TMEM59: variants seen among roughly 807,000 people sequenced by gnomAD.
TMEM59 encodes the protein dendritic cell factor 1.
TMEM59 carries 44 observed loss-of-function variants against 42.2 expected under a neutral mutation model. The observed-to-expected ratio is 1.04, with a 90% CI of 0.82 to 1.34. The LOEUF (loss-of-function observed/expected upper bound fraction) is 1.34, where lower values mean the gene tolerates loss of function less well. TMEM59 is among the 40% of genes most tolerant of loss of function. The pLI is 0.00. For missense variants in TMEM59, 359 were observed against 382.8 expected (o/e 0.94, Z 0.52); for synonymous variants, 148 against 145.8 (o/e 1.02, Z -0.11).
intron 7 of TMEM59, among the ~76,000 whole-genome samples, chr1:54,032,808 T>C (rs1484120658): frequency 1.3e-5 from 2 of 152,044 alleles, no homozygotes; most frequent in African/African-American, 4.8e-5. Flanking sequence ...ACTAAAAGAA[T>C]GAAAGCATAA....
chr1:54,051,678 C>T (rs1412585187), intron 1 of TMEM59, among the ~76,000 whole-genome samples: 1 of 152,166 alleles, frequency 6.6e-6, no homozygotes, highest in African/African-American at 2.4e-5. Context: ...TATTAATGAG[C>T]TTCTTCATAC....
chr1:54,034,112 C>T (rs1402760653), intron 7 of TMEM59: 2 of 117,986 alleles, frequency 1.7e-5, no homozygotes, highest in Admixed American at 9.2e-5. Context: ...GAGCAAGACT[C>T]CATCTCAAAA....
rs1656632761 is a variant in TMEM59, at chr1:54,027,410, A to G, written c.*4740T>C. Reference sequence around the variant, plus strand: ...TCCACAGGCTTCACTGGATCACTAAAAAGCTCAATGGCACAAAAAAGTTTG... The same window carrying G: ...TCCACAGGCTTCACTGGATCACTAAGAAGCTCAATGGCACAAAAAAGTTTG... On this transcript the variant is annotated 3_prime_UTR_variant, in exon 8 of 8. Coordinates refer to ENST00000234831, the MANE Select transcript of TMEM59 (RefSeq NM_004872.5). 6.6e-6 allele frequency: 1 copy of G among 151,854 alleles called. No homozygotes were observed. Among genetic ancestry groups the G allele is most frequent in the Non-Finnish European group, 1.5e-5 (1 of 68,042 alleles). The allele number at this position is 151,854 out of a possible 1,614,324, so 9.4% of individuals were successfully genotyped here. A position where few individuals can be genotyped will look rare whatever the true frequency, so the allele number is the denominator to read the frequency against.
intron 1 of TMEM59, among the ~76,000 whole-genome samples, chr1:54,048,448 G>C (rs1475707071): frequency 6.6e-6 from 1 of 152,196 alleles, no homozygotes; most frequent in Non-Finnish European, 1.5e-5. Context: ...AATGGTAATA[G>C]TGTTAATAGA....
chr1:54,053,097 C>A lies in TMEM59; in HGVS notation c.92G>T (p.Gly31Val). The change falls in exon 1 of 8, where the codon GGG (glycine) becomes GTG (valine). Residue 31 changes from glycine (G) to valine (V), a missense_variant. Physicochemically the swap from Gly to Val is moderately radical, Grantham distance 109 (BLOSUM62 -3). Coordinates refer to ENST00000234831, the MANE Select transcript of TMEM59 (RefSeq NM_004872.5). The stretch of plus-strand genomic sequence containing the variant: ...GTCAAATGCTTCAGCCGAAGCGGTC[C>A]CCGAACCTCCGGCCAAGGCCATGGT... ...LLTMALAGGS[G>V]TASAEAFDSV... 6.2e-7 allele frequency: 1 copy of A among 1,614,264 alleles called. No individual in the cohort carries two copies. The highest frequency in any genetic ancestry group is 8.5e-7 in the Non-Finnish European group (1 of 1,180,040).
intron 2 of TMEM59, among the ~76,000 whole-genome samples, chr1:54,046,656 G>A (rs1289423395): frequency 6.6e-6 from 1 of 152,118 alleles, no homozygotes; most frequent in Non-Finnish European, 1.5e-5. Context: ...ATAGTGATAG[G>A]GGAAAAGGTG....
chr1:54,043,320 T>C, intron 4 of TMEM59, 53 bp downstream of exon 4: 2 of 1,388,942 alleles, frequency 1.4e-6, no homozygotes, highest in Non-Finnish European at 1.9e-6. Flanking sequence ...ATTTAAGACA[T>C]ATACATTTAC....
rs1409174303 is a variant in TMEM59, at chr1:54,047,188, C to A, written c.295+79G>T. 2.5e-6 allele frequency: 3 copies of A among 1,196,752 alleles called. No homozygotes were observed. The African/African-American group carries it at 4.7e-5, about 19-fold the overall frequency. The allele number at this position is 1,196,752 out of a possible 1,614,324, so 74.1% of individuals were successfully genotyped here. A position where few individuals can be genotyped will look rare whatever the true frequency, so the allele number is the denominator to read the frequency against. ...AGTTTCAACAGTGTGTTTTCCATTT[C>A]CTAAAGAAAATACTTCAAAAGCTTA... is the stretch of plus-strand genomic sequence containing the variant. On this transcript the variant is annotated intron_variant, in intron 2 of 7. Coordinates refer to ENST00000234831, the MANE Select transcript of TMEM59 (RefSeq NM_004872.5).
At chr1:54,044,512 T>TG (rs1470668677) in intron 3 of TMEM59, 8 of 145,964 alleles carry the variant, frequency 5.5e-5, no homozygotes, top group African/African-American at 1.8e-4. Context: ...TCATCTGTTT[T>TG]TTTTTTTTTT....
At chr1:54,046,081 G>A (rs925754051) in intron 2 of TMEM59, among the ~76,000 whole-genome samples, 2 of 152,092 alleles carry the variant, frequency 1.3e-5, no homozygotes, top group Non-Finnish European at 2.9e-5. Flanking sequence ...CACTGGATTG[G>A]CATCCTGAAG....
chr1:54,047,282 AT>A lies in TMEM59; in HGVS notation c.279del (p.Lys93AsnfsTer34). The A allele has an allele frequency of 1.2e-6, 2 of 1,613,606 alleles. No individual in the cohort carries two copies. The highest frequency in any genetic ancestry group is 1.1e-5 in the South Asian group (1 of 91,034). Reference protein sequence around the residue: ...VDDGIDLNRTKLECESACTEA... With the variant: ...VDDGIDLNRTXLECESACTEA... ...AGCATCTTACCAGATTCACATTCCAATTTAGTTCGATTTAAGTCAATTCCAT... is the reference window on the plus strand; with the variant it reads ...AGCATCTTACCAGATTCACATTCCAATTAGTTCGATTTAAGTCAATTCCAT... On this transcript the variant is annotated frameshift_variant, in exon 2 of 8. Transcript: ENST00000234831. LOFTEE classifies it high-confidence loss of function.
chr1:54,047,785 AC>A (rs1361190395), intron 1 of TMEM59: 1 of 205,426 alleles, frequency 4.9e-6, no homozygotes. Flanking sequence ...ATATAGCGAG[AC>A]CCCATCTGTA....
rs370817741 is a variant in TMEM59 at position 54,053,000 on chromosome 1, C to A, written c.189G>T (p.Lys63Asn). Reference sequence around the variant, plus strand: ...GCAGCCCGCTCCGGACGGGCCCTACCTTAGGGTAGGTGTGCAAGGGGTAGG... The same window carrying A: ...GCAGCCCGCTCCGGACGGGCCCTACATTAGGGTAGGTGTGCAAGGGGTAGG... ...QLTYPLHTYPKEEELYACQRG... is the reference protein window; with the variant it reads ...QLTYPLHTYPNEEELYACQRG... The change falls in exon 1 of 8, where the codon AAG becomes AAT. Residue 63 changes from lysine to asparagine, a missense_variant and splice_region_variant. Lys to Asn is a moderately conservative substitution (Grantham distance 94, BLOSUM62 0). Transcript: ENST00000234831. 6 of 1,612,668 alleles carry A rather than the reference C, an allele frequency of 3.7e-6. No homozygotes were observed. In the East Asian group the frequency reaches 1.3e-4, roughly 36 times the overall value.
At position 54,045,751 on chromosome 1, in the gene TMEM59, A is replaced by G. The variant is rs1197888299; in HGVS notation, c.331T>C (p.Tyr111His). Residue 111 changes from tyrosine to histidine, a missense_variant, in exon 3 of 8, where the codon TAT (tyrosine) becomes CAT (histidine). Coordinates refer to ENST00000234831, the MANE Select transcript of TMEM59 (RefSeq NM_004872.5). Reference protein sequence around the residue: ...TEAYSQSDEQYACHLGCQNQL... With the variant: ...TEAYSQSDEQHACHLGCQNQL... ...TTCTGGCAACCAAGATGGCAAGCATATTGCTCATCAGATTGGGAATATGCT... is the reference window on the plus strand; with the variant it reads ...TTCTGGCAACCAAGATGGCAAGCATGTTGCTCATCAGATTGGGAATATGCT... The G allele has an allele frequency of 3.7e-6, 6 of 1,614,154 alleles. No individual in the cohort carries two copies. Among genetic ancestry groups the G allele is most frequent in the Non-Finnish European group, 5.1e-6 (6 of 1,180,000 alleles).
rs200099909 is a variant in TMEM59, at chr1:54,043,355, A to T, written c.543+18T>A. The T allele has an allele frequency of 6.6e-7, 1 of 1,519,368 alleles. No homozygotes were observed. Among genetic ancestry groups the T allele is most frequent in the East Asian group, 2.4e-5 (1 of 41,718 alleles). The allele number at this position is 1,519,368 out of a possible 1,614,324, so 94.1% of individuals were successfully genotyped here. ...CTGTTGTTAGTATTTAGATGAATCC[A>T]TGAAGCTCAGTTGTCACCTGGAATA... On this transcript the variant is annotated intron_variant, in intron 4 of 7. Transcript: ENST00000234831.
chr1:54,041,216 T>C (rs565353246), intron 5 of TMEM59, among the ~76,000 whole-genome samples: 49 of 152,344 alleles, frequency 3.2e-4, no homozygotes, highest in Middle Eastern at 3.4e-3. Flanking sequence ...AAATAAGGTA[T>C]GAGGAAATTT....
intron 1 of TMEM59, among the ~76,000 whole-genome samples, chr1:54,049,104 A>G (rs1229371157): frequency 6.6e-6 from 1 of 152,214 alleles, no homozygotes. Flanking sequence ...GTCATCCAGT[A>G]CCAATTTCGG....
At chr1:54,053,557 C>G (rs1657667898), upstream of TMEM59, 1 of 233,024 alleles carries the variant, frequency 4.3e-6, no homozygotes. Context: ...GCGCGCCTTC[C>G]GCCCGCATTT....
chr1:54,041,466 C>T (rs1440851663), intron 5 of TMEM59, among the ~76,000 whole-genome samples: 1 of 152,218 alleles, frequency 6.6e-6, no homozygotes, highest in South Asian at 2.1e-4. Context: ...GCAGCATCAG[C>T]AAAATCTGGA....
Sources: gnomAD v4.1 joint callset for allele counts (sites outside exome capture counted in the v4.1 genomes callset) on GRCh38, gnomAD v4.1.1 for gene constraint, MANE v1.5 for transcripts, NCBI Gene and HGNC (gene_info 2026-07-23, HGNC 2026-07-21) for gene names.